Variants in DUSP7 observed in about 807,000 individuals in gnomAD.
The protein encoded by DUSP7 is dual specificity phosphatase 7.
In DUSP7, 7 loss-of-function variants were observed where a neutral mutation model predicts 29.8. That is an observed-to-expected ratio of 0.24 (90% confidence interval 0.13 to 0.44). The LOEUF (loss-of-function observed/expected upper bound fraction) is 0.44, where lower values mean the gene tolerates loss of function less well. DUSP7 is among the 20% of genes least tolerant of loss of function. DUSP7 has a pLI of 1.00. For missense variants in DUSP7, 400 were observed against 583.7 expected (o/e 0.69, Z 3.24); for synonymous variants, 287 against 275.4 (o/e 1.04, Z -0.42).
At position 52,050,980 on chromosome 3, in the gene DUSP7, C is replaced by G. The variant is rs766743255; in HGVS notation, c.1095G>C (p.Lys365Asn). ...AGTTGAAGTTGGGCGAGATGTTGGACTTTTTCCTCTTGACAAAGTCGTAGG... is the reference window on the plus strand; with the variant it reads ...AGTTGAAGTTGGGCGAGATGTTGGAGTTTTTCCTCTTGACAAAGTCGTAGG... ...NDAYDFVKRK[K>N]SNISPNFNFM... Residue 365 changes from lysine (K) to asparagine (N), a missense_variant, in exon 3 of 3, where the codon AAG (lysine) becomes AAC (asparagine). Transcript: ENST00000495880. The surrounding 1 kb of genome is among the most constrained non-coding windows in gnomAD (Gnocchi z 5.0). 4 of 1,614,270 alleles carry G rather than the reference C, an allele frequency of 2.5e-6. No homozygotes were observed. The Admixed American group carries it at 6.7e-5, about 27-fold the overall frequency.
chr3:52,055,252 A>C lies in DUSP7; in HGVS notation c.517+598T>G, dbSNP rs1228092621. Among the ~76,000 whole-genome samples, 3 of 149,684 alleles carry C rather than the reference A, an allele frequency of 2.0e-5. No homozygotes were observed. In the East Asian group the frequency reaches 6.0e-4, roughly 30 times the overall value. On this transcript the variant is annotated intron_variant, in intron 1 of 2. Coordinates refer to ENST00000495880, the MANE Select transcript of DUSP7 (RefSeq NM_001947.4). ...CCCCGGTGCTACCTCTCCCTTCTGC[A>C]AGCTCCGGGGCAGCAGGCTAGGGAC...
At chr3:52,055,792 G>T in intron 1 of DUSP7, 58 bp downstream of exon 1, 2 of 1,468,788 alleles carry the variant, frequency 1.4e-6, no homozygotes, top group Admixed American at 2.5e-5. Context: ...TCCAAGGGGG[G>T]CGTCAGGGAG....
In DUSP7 at chr3:52,056,510, C is replaced by CTCCG. The variant is rs1491549643; in HGVS notation, c.-148_-145dup. On this transcript the variant is annotated 5_prime_UTR_variant, in exon 1 of 3. Coordinates refer to ENST00000495880, the MANE Select transcript of DUSP7 (RefSeq NM_001947.4). This position sits in a 1 kb window ranked among gnomAD's most constrained non-coding sequence, Gnocchi z 6.4. ...CGCCCCGGCCTCCCGGCCTCCCGGC[C>CTCCG]TCCGTCCCGCCCGCCCGCCCGGCCC... 3.9e-6 allele frequency: 1 copy of CTCCG among 253,418 alleles called. No homozygotes were observed. The allele number at this position is 253,418 out of a possible 1,614,324, so 15.7% of individuals were successfully genotyped here.
chr3:52,055,737 G>A (rs779016515), intron 1 of DUSP7, 113 bp downstream of exon 1: 3 of 1,306,928 alleles, frequency 2.3e-6, no homozygotes, highest in African/African-American at 3.1e-5. Context: ...CGGGGACGAC[G>A]TGGCGCCCAG....
Position 52,053,883 on chromosome 3 carries a change from G to C in DUSP7, c.952+57C>G, listed in dbSNP as rs200955684. On this transcript the variant is annotated intron_variant, in intron 2 of 2. Transcript: ENST00000495880. This position sits in a 1 kb window ranked among gnomAD's most constrained non-coding sequence, Gnocchi z 4.6. ...CCCAGTCAGGCGGGGGCGCCACCCAGAGTCCTGCATACACCTTGATGCACC... is the reference window on the plus strand; with the variant it reads ...CCCAGTCAGGCGGGGGCGCCACCCACAGTCCTGCATACACCTTGATGCACC... 8.0e-4 allele frequency: 1,287 copies of C among 1,599,514 alleles called. 13 individuals are homozygous for C. In the African/African-American group the frequency reaches 8.9e-3, roughly 11 times the overall value.
Position 52,050,875 on chromosome 3 carries a change from G to C in DUSP7, c.1200C>G (p.Leu400=). 1 of 1,614,228 alleles carries C rather than the reference G, an allele frequency of 6.2e-7. No homozygotes were observed. The highest frequency in any genetic ancestry group is 8.5e-7 in the Non-Finnish European group (1 of 1,180,018). ...TGTGGTTGGTGGGCGTGGAAAAGTA[G>C]AGCTGCTCACTCGACGCGTGGTTGT... ...PCDNHASSEQ[L]YFSTPTNHNL... is the part of the protein sequence containing the mutation. Residue 400 remains leucine, a synonymous_variant, in exon 3 of 3, where the codon CTC becomes CTG. Coordinates refer to ENST00000495880, the MANE Select transcript of DUSP7 (RefSeq NM_001947.4). The surrounding 1 kb of genome is among the most constrained non-coding windows in gnomAD (Gnocchi z 5.0).
Position 52,053,971 on chromosome 3 carries a change from G to A in DUSP7, c.921C>T (p.Ser307=). 6.2e-7 allele frequency: 1 copy of A among 1,614,208 alleles called. No individual in the cohort carries two copies. Among genetic ancestry groups the A allele is most frequent in the Non-Finnish European group, 8.5e-7 (1 of 1,180,034 alleles). ...AGCTGATGGCCTCAGGGAAGAACTG[G>A]GAGAGGTTCTGGCTCCAGTGGTCAG... ...PISDHWSQNL[S]QFFPEAISFI... The change falls in exon 2 of 3, where the codon TCC becomes TCT. Residue 307 remains serine (S), a synonymous_variant. Coordinates refer to ENST00000495880, the MANE Select transcript of DUSP7 (RefSeq NM_001947.4). This position sits in a 1 kb window ranked among gnomAD's most constrained non-coding sequence, Gnocchi z 4.6.
At position 52,051,586 on chromosome 3, in the gene DUSP7, G is replaced by A. The variant is rs1701847889; in HGVS notation, c.953-464C>T. ...TTATCAACGAGGAAACAGACACAGA[G>A]ACAAAGTGGCAAGCCCAAGGCCACA... is the stretch of plus-strand genomic sequence containing the variant. On this transcript the variant is annotated intron_variant, in intron 2 of 2. Transcript: ENST00000495880. The surrounding 1 kb of genome is among the most constrained non-coding windows in gnomAD (Gnocchi z 4.8). The A allele has an allele frequency of 6.3e-6, 1 of 157,666 alleles. No individual in the cohort carries two copies. The highest frequency in any genetic ancestry group is 2.4e-5 in the African/African-American group (1 of 41,564). 9.8% of individuals were successfully genotyped at this position (157,666 alleles called of 1,614,324 possible).
In DUSP7 at chr3:52,056,394, G is replaced by A. The variant is rs1701901459; in HGVS notation, c.-28C>T. ...GGAGCGCGGGCGGCCCGGGGCCGGG[G>A]CCGGGCAGCCCTGCCCTGGGACGGC... On this transcript the variant is annotated 5_prime_UTR_variant, in exon 1 of 3. Coordinates refer to ENST00000495880, the MANE Select transcript of DUSP7 (RefSeq NM_001947.4). The surrounding 1 kb of genome is among the most constrained non-coding windows in gnomAD (Gnocchi z 6.4). 2 of 1,030,734 alleles carry A rather than the reference G, an allele frequency of 1.9e-6. No individual in the cohort carries two copies. The highest frequency in any genetic ancestry group is 2.3e-6 in the Non-Finnish European group (2 of 859,876). 63.8% of individuals were successfully genotyped at this position (1,030,734 alleles called of 1,614,324 possible).
rs528792333 is a variant in DUSP7, at chr3:52,054,530, C to T, written c.518-156G>A. Among the ~76,000 whole-genome samples, 1 of 152,290 alleles carries T rather than the reference C, an allele frequency of 6.6e-6. No homozygotes were observed. Among genetic ancestry groups the T allele is most frequent in the Non-Finnish European group, 1.5e-5 (1 of 68,024 alleles). On this transcript the variant is annotated intron_variant, in intron 1 of 2. Coordinates refer to ENST00000495880, the MANE Select transcript of DUSP7 (RefSeq NM_001947.4). This position sits in a 1 kb window ranked among gnomAD's most constrained non-coding sequence, Gnocchi z 4.1. ...AGCATGTTACACGTGTGCCCTCTCT[C>T]GTGTTCTCTCCATCTAAACCATGAC...
chr3:52,054,169 T>A lies in DUSP7; in HGVS notation c.723A>T (p.Gln241His), dbSNP rs761610932. ...GCAGGATCTGGACAGGGAAGGCTGG[T>A]TGGCTGGATGGCACAGGGCTGCCGT... ...ESDGSPVPSSQPAFPVQILPY... is the reference protein window; with the variant it reads ...ESDGSPVPSSHPAFPVQILPY... Residue 241 changes from glutamine to histidine, a missense_variant, in exon 2 of 3, where the codon CAA becomes CAT. Gln to His is a conservative substitution (Grantham distance 24). Transcript: ENST00000495880. This position sits in a 1 kb window ranked among gnomAD's most constrained non-coding sequence, Gnocchi z 4.1. 4 of 1,613,842 alleles carry A rather than the reference T, an allele frequency of 2.5e-6. No individual in the cohort carries two copies. Among genetic ancestry groups the A allele is most frequent in the Non-Finnish European group, 2.5e-6 (3 of 1,179,962 alleles).
Position 52,050,569 on chromosome 3 carries a change from T to G in DUSP7, c.*246A>C. On this transcript the variant is annotated 3_prime_UTR_variant, in exon 3 of 3. Transcript: ENST00000495880. This position sits in a 1 kb window ranked among gnomAD's most constrained non-coding sequence, Gnocchi z 5.0. ...CGTCCTGGACAGGATGAGGCCCTGG[T>G]GGACGCCCAAAGCCACGTGTCCAAG... 2.0e-6 allele frequency: 1 copy of G among 503,296 alleles called. No individual in the cohort carries two copies. The highest frequency in any genetic ancestry group is 2.8e-5 in the South Asian group (1 of 35,610). The allele number at this position is 503,296 out of a possible 1,614,324, so 31.2% of individuals were successfully genotyped here.
Position 52,056,515 on chromosome 3 carries a change from T to TCCCGCCCG in DUSP7, c.-157_-150dup, listed in dbSNP as rs541808196. The TCCCGCCCG allele has an allele frequency of 2.1e-4, 49 of 230,128 alleles. 1 individual carries two copies. The East Asian group carries it at 4.8e-3, about 23-fold the overall frequency. The allele number at this position is 230,128 out of a possible 1,614,324, so 14.3% of individuals were successfully genotyped here. On this transcript the variant is annotated 5_prime_UTR_variant, in exon 1 of 3. Coordinates refer to ENST00000495880, the MANE Select transcript of DUSP7 (RefSeq NM_001947.4). The surrounding 1 kb of genome is among the most constrained non-coding windows in gnomAD (Gnocchi z 6.4). Reference sequence around the variant, plus strand: ...CGGCCTCCCGGCCTCCCGGCCTCCGTCCCGCCCGCCCGCCCGGCCCTCCGC... The same window carrying TCCCGCCCG: ...CGGCCTCCCGGCCTCCCGGCCTCCGTCCCGCCCGCCCGCCCGCCCGCCCGGCCCTCCGC...
chr3:52,056,352 G>A lies in DUSP7; in HGVS notation c.15C>T (p.Leu5=). The change falls in exon 1 of 3, where the codon CTC becomes CTT. Residue 5 remains leucine, a synonymous_variant. Transcript: ENST00000495880. This position sits in a 1 kb window ranked among gnomAD's most constrained non-coding sequence, Gnocchi z 6.4. The stretch of plus-strand genomic sequence containing the variant: ...TGTGCGCCCGCGCTGGGGGGCCGCG[G>A]AGCTGGTTTTTCATGGGGAGCGCGG... MKNQ[L]RGPPARAHMS... 1.8e-6 allele frequency: 2 copies of A among 1,141,712 alleles called. No homozygotes were observed. The highest frequency in any genetic ancestry group is 2.1e-6 in the Non-Finnish European group (2 of 932,310). 70.7% of individuals were successfully genotyped at this position (1,141,712 alleles called of 1,614,324 possible). A position where few individuals can be genotyped will look rare whatever the true frequency, so the allele number is the denominator to read the frequency against.
chr3:52,050,996 A>T lies in DUSP7; in HGVS notation c.1079T>A (p.Phe360Tyr). ...GATGTTGGACTTTTTCCTCTTGACA[A>T]AGTCGTAGGCGTCGTTGAGTGACAG... Reference protein sequence around the residue: ...MNLSLNDAYDFVKRKKSNISP... With the variant: ...MNLSLNDAYDYVKRKKSNISP... Residue 360 changes from phenylalanine (F) to tyrosine (Y), a missense_variant, in exon 3 of 3, where the codon TTT becomes TAT. This residue lies in a region of DUSP7 where 75 missense variants were observed against 95.0 expected (regional missense o/e 0.79). Transcript: ENST00000495880. This position sits in a 1 kb window ranked among gnomAD's most constrained non-coding sequence, Gnocchi z 5.0. The T allele has an allele frequency of 6.2e-7, 1 of 1,614,226 alleles. No individual in the cohort carries two copies.
Position 52,054,190 on chromosome 3 carries a change from G to C in DUSP7, c.702C>G (p.Gly234=), listed in dbSNP as rs1701873277. The part of the protein sequence containing the change: ...ELPSSATESD[G]SPVPSSQPAF... The stretch of plus-strand genomic sequence containing the variant: ...CTGGTTGGCTGGATGGCACAGGGCT[G>C]CCGTCTGACTCGGTGGCACTGCTGG... Residue 234 remains glycine (G), a synonymous_variant, in exon 2 of 3, where the codon GGC becomes GGG. Coordinates refer to ENST00000495880, the MANE Select transcript of DUSP7 (RefSeq NM_001947.4). This position sits in a 1 kb window ranked among gnomAD's most constrained non-coding sequence, Gnocchi z 4.1. 3.1e-6 allele frequency: 5 copies of C among 1,613,574 alleles called. No individual in the cohort carries two copies. The highest frequency in any genetic ancestry group is 3.4e-6 in the Non-Finnish European group (4 of 1,179,606).
At position 52,054,944 on chromosome 3, in the gene DUSP7, C is replaced by A. The variant is rs1701883529; in HGVS notation, c.518-570G>T. On this transcript the variant is annotated intron_variant, in intron 1 of 2. Coordinates refer to ENST00000495880, the MANE Select transcript of DUSP7 (RefSeq NM_001947.4). The surrounding 1 kb of genome is among the most constrained non-coding windows in gnomAD (Gnocchi z 4.1). ...GGGGAGGGTAGTGGGAAGGTACTGGCTGGCCCCTTCCCCCAGCAGGGGCAG... is the reference window on the plus strand; with the variant it reads ...GGGGAGGGTAGTGGGAAGGTACTGGATGGCCCCTTCCCCCAGCAGGGGCAG... Among the ~76,000 whole-genome samples the A allele has an allele frequency of 6.6e-6, 1 of 152,202 alleles. No individual in the cohort carries two copies. Among genetic ancestry groups the A allele is most frequent in the Non-Finnish European group, 1.5e-5 (1 of 68,022 alleles).
Position 52,055,878 on chromosome 3 carries a change from G to A in DUSP7, c.489C>T (p.Asp163=), listed in dbSNP as rs763070528. The change falls in exon 1 of 3, where the codon GAC becomes GAT. Residue 163 remains aspartate (D), a synonymous_variant. Coordinates refer to ENST00000495880, the MANE Select transcript of DUSP7 (RefSeq NM_001947.4). The part of the protein sequence containing the change: ...VLGLLLQKLR[D]DGCQAYYLQG... ...GGAGGTAGTAGGCCTGGCAGCCGTC[G>A]TCGCGCAGCTTCTGTAGGAGCAGGC... The A allele has an allele frequency of 5.7e-6, 9 of 1,573,258 alleles. No individual in the cohort carries two copies. Among genetic ancestry groups the A allele is most frequent in the East Asian group, 4.6e-5 (2 of 43,720 alleles).
rs1407715768 is a variant in DUSP7 at position 52,056,332 on chromosome 3, G to A, written c.35C>T (p.Ala12Val). Residue 12 changes from alanine (A) to valine (V), a missense_variant, in exon 1 of 3, where the codon GCG (alanine) becomes GTG (valine). Physicochemically the swap from Ala to Val is moderately conservative, Grantham distance 64. Around this residue, in one of 4 missense-constraint regions of DUSP7, gnomAD observed 96 missense variants for 97.1 expected, o/e 0.99. Transcript: ENST00000495880. This position sits in a 1 kb window ranked among gnomAD's most constrained non-coding sequence, Gnocchi z 6.4. ...KNQLRGPPARAHMSTSGAAAA... is the reference protein window; with the variant it reads ...KNQLRGPPARVHMSTSGAAAA... ...CGCCGCCCCCGAAGTCGACATGTGC[G>A]CCCGCGCTGGGGGGCCGCGGAGCTG... 2 of 1,169,678 alleles carry A rather than the reference G, an allele frequency of 1.7e-6. No homozygotes were observed. The highest frequency in any genetic ancestry group is 3.2e-5 in the African/African-American group (2 of 61,550). 72.5% of individuals were successfully genotyped at this position (1,169,678 alleles called of 1,614,324 possible). A position where few individuals can be genotyped will look rare whatever the true frequency, so the allele number is the denominator to read the frequency against.
Sources: allele counts gnomAD v4.1 joint callset (sites outside exome capture counted in the v4.1 genomes callset), GRCh38; gene constraint gnomAD v4.1.1; regional missense constraint gnomAD v4.1.1; non-coding constraint Gnocchi (gnomAD v3.1); transcripts MANE v1.5; gene names NCBI Gene and HGNC (gene_info 2026-07-23, HGNC 2026-07-21).